Variants in NPIPB2 observed in about 807,000 individuals in gnomAD.
NPIPB2 encodes the protein nuclear pore complex interacting protein family member B2.
In NPIPB2, 27 loss-of-function variants were observed where a neutral mutation model predicts 30.8. That is an observed-to-expected ratio of 0.88 (90% CI 0.65 to 1.21). The LOEUF is 1.21. Ranked by LOEUF, NPIPB2 falls within the 50% of genes most tolerant of loss-of-function variation. NPIPB2 has a pLI of 0.00. For synonymous variants in NPIPB2, 147 were observed against 162.0 expected (o/e 0.91, Z 0.70); for missense variants, 440 against 446.2 (o/e 0.99, Z 0.13).
intron 1 of NPIPB2, among the ~76,000 whole-genome samples, chr16:11,955,426 C>G (rs138607811): frequency 4.1e-4 from 61 of 148,722 alleles, no homozygotes; most frequent in African/African-American, 1.4e-3. Flanking sequence ...ATTTGCCATT[C>G]TGGCCAGGCG....
exon 5 of NPIPB2, chr16:11,930,464 T>G (rs1301354352): frequency 1.3e-6 from 2 of 1,570,548 alleles, no homozygotes; most frequent in African/African-American, 2.7e-5. Context: ...AGGTGTGTAT[T>G]TCTTTCATAT....
At chr16:11,965,302 T>G in intron 1 of NPIPB2, 1 of 1,613,872 alleles carries the variant, frequency 6.2e-7, no homozygotes, top group Non-Finnish European at 8.5e-7. Flanking sequence ...TTTCTGTAGC[T>G]CCCTTGTTTT....
chr16:11,968,351 C>A (rs2055212659), intron 1 of NPIPB2, among the ~76,000 whole-genome samples: 1 of 152,064 alleles, frequency 6.6e-6, no homozygotes, highest in Non-Finnish European at 1.5e-5. Context: ...GTGGTAGGCA[C>A]CTGTAATCCC....
At chr16:11,964,604 G>A (rs571245008) in intron 1 of NPIPB2, among the ~76,000 whole-genome samples, 4 of 152,168 alleles carry the variant, frequency 2.6e-5, no homozygotes, top group South Asian at 4.1e-4. Context: ...TAGTAGAGAC[G>A]GGGTTTCACC....
chr16:11,943,658 C>T (rs1439286586), upstream of NPIPB2, among the ~76,000 whole-genome samples: 1 of 150,112 alleles, frequency 6.7e-6, no homozygotes, highest in Non-Finnish European at 1.5e-5. Context: ...GCTGAGATCG[C>T]GCCATTGTAC....
rs539728137 is a variant in NPIPB2 at position 11,941,161 on chromosome 16, C to T, written c.63+822G>A. 1.5e-4 allele frequency: 220 copies of T among 1,504,398 alleles called. No homozygotes were observed. The African/African-American group carries it at 2.4e-3, about 17-fold the overall frequency. The allele number at this position is 1,504,398 out of a possible 1,614,324, so 93.2% of individuals were successfully genotyped here. A position where few individuals can be genotyped will look rare whatever the true frequency, so the allele number is the denominator to read the frequency against. On this transcript the variant is annotated intron_variant, in intron 1 of 7. Coordinates refer to ENST00000399147, the Ensembl canonical transcript of NPIPB2. ...GGAAGAAACCCCGCGGGTCCAGCGT[C>T]TACTCACACAGGTGGACTGATGGCT...
At chr16:11,959,572 A>T (rs2055139295) in intron 1 of NPIPB2, among the ~76,000 whole-genome samples, 1 of 152,022 alleles carries the variant, frequency 6.6e-6, no homozygotes, top group Admixed American at 6.6e-5. Context: ...CGGGTGACAG[A>T]GGGAGACCCC....
chr16:11,946,629 T>C (rs540777292), upstream of NPIPB2, among the ~76,000 whole-genome samples: 5 of 151,740 alleles, frequency 3.3e-5, no homozygotes, highest in African/African-American at 4.8e-5. Context: ...TGACTAATAC[T>C]CAAAAAGAGA....
chr16:11,974,495 C>T (rs191748617), intron 1 of NPIPB2, among the ~76,000 whole-genome samples: 28 of 151,672 alleles, frequency 1.8e-4, no homozygotes, highest in Admixed American at 7.2e-4. Context: ...CCTGCCTGGG[C>T]GACAGAGTGA....
At chr16:11,963,420 G>T (rs929296982) in intron 1 of NPIPB2, among the ~76,000 whole-genome samples, 5 of 152,096 alleles carry the variant, frequency 3.3e-5, no homozygotes, top group African/African-American at 1.2e-4. Flanking sequence ...AAAGGTTGGG[G>T]TGCTTGGAGG....
chr16:11,948,969 C>T (rs1424291308), intron 1 of NPIPB2, among the ~76,000 whole-genome samples: 1 of 151,758 alleles, frequency 6.6e-6, no homozygotes, highest in Non-Finnish European at 1.5e-5. Context: ...AAGACACTGT[C>T]TCTACAAAAA....
At chr16:11,945,023 A>T (rs1171995646), upstream of NPIPB2, among the ~76,000 whole-genome samples, 1 of 133,526 alleles carries the variant, frequency 7.5e-6, no homozygotes, top group Admixed American at 7.8e-5. Flanking sequence ...TACTAAAAAT[A>T]AAAAAAAAAA....
intron 1 of NPIPB2, among the ~76,000 whole-genome samples, chr16:11,938,359 C>G (rs2150915192): frequency 7.0e-6 from 1 of 143,588 alleles, no homozygotes; most frequent in East Asian, 2.1e-4. Context: ...GAGATGGGGT[C>G]TCACTCTGTC....
intron 1 of NPIPB2, among the ~76,000 whole-genome samples, chr16:11,975,262 C>T (rs1472889022): frequency 1.7e-4 from 21 of 120,424 alleles, no homozygotes; most frequent in African/African-American, 6.0e-4. Context: ...ATTCTCCTGC[C>T]TCAGCCTCCC....
intron 1 of NPIPB2, among the ~76,000 whole-genome samples, chr16:11,961,801 T>C (rs1282256639): frequency 6.8e-6 from 1 of 147,608 alleles, no homozygotes. Context: ...AAAAAAGGTA[T>C]GAGCAGTTGT....
intron 1 of NPIPB2, among the ~76,000 whole-genome samples, chr16:11,949,713 A>C (rs2055045904): frequency 6.6e-6 from 1 of 152,122 alleles, no homozygotes; most frequent in African/African-American, 2.4e-5. Context: ...AGCCTTATGG[A>C]GCTGGCTGGA....
chr16:11,933,804 G>A (rs757987967), intron 3 of NPIPB2, 21 bp downstream of exon 3: 3 of 1,591,400 alleles, frequency 1.9e-6, no homozygotes, highest in South Asian at 1.1e-5. Flanking sequence ...CCACACTATG[G>A]GGACTCCAAC....
chr16:11,945,679 A>C (rs995839674), upstream of NPIPB2, among the ~76,000 whole-genome samples: 3 of 151,136 alleles, frequency 2.0e-5, no homozygotes, highest in Non-Finnish European at 3.0e-5. Context: ...CTCTGTCTTA[A>C]AAAAAAAACA....
chr16:11,975,931 A>G (rs1364362980), intron 1 of NPIPB2, among the ~76,000 whole-genome samples: 2 of 150,570 alleles, frequency 1.3e-5, no homozygotes, highest in African/African-American at 4.9e-5. Flanking sequence ...AGATCGTATC[A>G]CTCCTCTGCT....
Sources: allele counts gnomAD v4.1 joint callset (sites outside exome capture counted in the v4.1 genomes callset), GRCh38; gene constraint gnomAD v4.1.1; transcripts MANE v1.5; gene names NCBI Gene and HGNC (gene_info 2026-07-23, HGNC 2026-07-21).